The following NTM variants were observed in gnomAD, a reference collection of about 807,000 sequenced individuals.
NTM encodes IgLON family member 2.
In NTM, 13 loss-of-function variants were observed where a neutral mutation model predicts 42.1. That is an observed-to-expected ratio of 0.31 (90% confidence interval 0.20 to 0.49). NTM has a LOEUF of 0.49. Ranked by LOEUF, NTM falls within the 20% of genes least tolerant of loss-of-function variation. The pLI is 0.99. For synonymous variants in NTM, 187 were observed against 179.2 expected, an observed-to-expected ratio of 1.04 and a Z score of -0.35; for missense variants, 373 against 452.8, an observed-to-expected ratio of 0.82 and a Z score of 1.60.
At chr11:132,213,843 T>A (rs1475604018) in intron 4 of NTM, among the ~76,000 whole-genome samples, 1 of 80,140 alleles carries the variant, frequency 1.2e-5, no homozygotes, top group Non-Finnish European at 3.0e-5. Context: ...CACGCCATTC[T>A]CCCGCCTCAG....
chr11:131,561,712 C>T (rs1007820692), intron 1 of NTM, among the ~76,000 whole-genome samples: 1 of 85,450 alleles, frequency 1.2e-5, no homozygotes, highest in Admixed American at 9.8e-5. Context: ...TTATTCCCAC[C>T]GCAGAGACAC....
intron 1 of NTM, among the ~76,000 whole-genome samples, chr11:131,527,530 C>A (rs1481018821): frequency 6.6e-6 from 1 of 152,188 alleles, no homozygotes; most frequent in Non-Finnish European, 1.5e-5. Context: ...GGATATAGGC[C>A]ATTGAACTCT....
intron 1 of NTM, among the ~76,000 whole-genome samples, chr11:131,748,162 T>C (rs1337068859): frequency 6.6e-6 from 1 of 152,256 alleles, no homozygotes; most frequent in Non-Finnish European, 1.5e-5. Flanking sequence ...CCAAGTCTGT[T>C]AAGGGTTTAC....
At chr11:131,991,256 C>T (rs1259983860) in intron 2 of NTM, among the ~76,000 whole-genome samples, 1 of 151,988 alleles carries the variant, frequency 6.6e-6, no homozygotes, top group Non-Finnish European at 1.5e-5. Context: ...TTTCTTGTCC[C>T]TGCCATAACC....
At chr11:131,697,074 G>A (rs1027650581) in intron 1 of NTM, among the ~76,000 whole-genome samples, 7 of 152,190 alleles carry the variant, frequency 4.6e-5, no homozygotes, top group East Asian at 3.8e-4. Context: ...AGACGAAGCC[G>A]GCTGGGGGCA....
chr11:131,719,200 G>A (rs750583953), intron 1 of NTM, among the ~76,000 whole-genome samples: 8 of 152,222 alleles, frequency 5.3e-5, no homozygotes, highest in Admixed American at 3.3e-4. Flanking sequence ...GTAAGCCCGC[G>A]CCCAGTGCTT....
chr11:131,894,277 C>T (rs1439448179), intron 1 of NTM, among the ~76,000 whole-genome samples: 1 of 152,214 alleles, frequency 6.6e-6, no homozygotes, highest in Non-Finnish European at 1.5e-5. Flanking sequence ...CAGGCTTGGT[C>T]TATAAAGTAT....
At chr11:132,208,890 T>C (rs2138613646) in intron 3 of NTM, among the ~76,000 whole-genome samples, 1 of 152,262 alleles carries the variant, frequency 6.6e-6, no homozygotes, top group Admixed American at 6.5e-5. Context: ...GATCAATAAA[T>C]TACTTACCTG....
chr11:131,664,753 GTT>G (rs199824869), intron 1 of NTM, among the ~76,000 whole-genome samples: 4 of 112,912 alleles, frequency 3.5e-5, no homozygotes, highest in African/African-American at 6.7e-5. Context: ...CTCTTCCATT[GTT>G]TTTTTTTTTT....
intron 1 of NTM, among the ~76,000 whole-genome samples, chr11:131,568,288 A>G (rs2137061228): frequency 6.6e-6 from 1 of 152,352 alleles, no homozygotes; most frequent in African/African-American, 2.4e-5. Context: ...AAATCTTCAC[A>G]GTCCTCTTGC....
intron 1 of NTM, among the ~76,000 whole-genome samples, chr11:131,464,849 TAA>T (rs1193719648): frequency 2.6e-5 from 4 of 152,184 alleles, no homozygotes; most frequent in African/African-American, 9.7e-5. Context: ...GTACTTTTCC[TAA>T]AATCCCCAAA....
chr11:132,098,389 G>A (rs573188118), intron 2 of NTM, among the ~76,000 whole-genome samples: 13 of 152,174 alleles, frequency 8.5e-5, no homozygotes, highest in Non-Finnish European at 1.5e-4. Context: ...AGCCTTTGGC[G>A]TTGCGGCCAT....
chr11:132,313,213 T>A (rs1565453781), intron 6 of NTM, among the ~76,000 whole-genome samples: 1 of 152,174 alleles, frequency 6.6e-6, no homozygotes, highest in African/African-American at 2.4e-5. Context: ...GTCATCTATG[T>A]CTAACTCCAT....
intron 4 of NTM, among the ~76,000 whole-genome samples, chr11:132,257,733 C>T (rs145302474): frequency 1.3e-5 from 2 of 152,292 alleles, no homozygotes; most frequent in Admixed American, 6.5e-5. Context: ...AAGTTTAAAG[C>T]GATTGCTTGC....
chr11:132,263,340 T>C (rs1452239535), intron 4 of NTM, among the ~76,000 whole-genome samples: 2 of 152,180 alleles, frequency 1.3e-5, no homozygotes, highest in African/African-American at 4.8e-5. Flanking sequence ...TCTTGAAGAA[T>C]TGCACACATT....
Position 131,450,756 on chromosome 11 carries a change from G to T in NTM, c.82+79868G>T, listed in dbSNP as rs141404232. Among the ~76,000 whole-genome samples the T allele has an allele frequency of 4.6e-5, 7 of 152,316 alleles. No individual in the cohort carries two copies. In the East Asian group the frequency reaches 1.3e-3, roughly 29 times the overall value. ...TAGAGATTATAACTTACAATCACTAGTAGGCCTTCTAAAATATCTGTGCTG... is the reference window on the plus strand; with the variant it reads ...TAGAGATTATAACTTACAATCACTATTAGGCCTTCTAAAATATCTGTGCTG... On this transcript the variant is annotated intron_variant, in intron 1 of 8. Coordinates refer to ENST00000683400, the MANE Select transcript of NTM (RefSeq NM_001352005.2).
chr11:131,565,324 G>A (rs1313043217), intron 1 of NTM, among the ~76,000 whole-genome samples: 1 of 152,188 alleles, frequency 6.6e-6, no homozygotes, highest in Non-Finnish European at 1.5e-5. Flanking sequence ...GCCTGGCATG[G>A]CATGAACTCT....
At chr11:131,517,062 C>T (rs1476431383) in intron 1 of NTM, among the ~76,000 whole-genome samples, 1 of 152,204 alleles carries the variant, frequency 6.6e-6, no homozygotes, top group Non-Finnish European at 1.5e-5. Flanking sequence ...AACAGCCTGA[C>T]TGGGAAGTCT....
At chr11:132,242,646 G>A (rs2090422077) in intron 4 of NTM, among the ~76,000 whole-genome samples, 1 of 152,202 alleles carries the variant, frequency 6.6e-6, no homozygotes. Context: ...CTGTTTGAAA[G>A]TAAAGCAAGA....
Sources: allele counts gnomAD v4.1 joint callset (sites outside exome capture counted in the v4.1 genomes callset), GRCh38; gene constraint gnomAD v4.1.1; transcripts MANE v1.5; gene names NCBI Gene and HGNC (gene_info 2026-07-23, HGNC 2026-07-21).